IQSEC1: variants seen among roughly 807,000 people sequenced by gnomAD.
The protein encoded by IQSEC1 is IQ motif and Sec7 domain ArfGEF 1, also known as IQ motif and SEC7 domain-containing protein 1.
A neutral mutation model predicts 91.0 loss-of-function variants in IQSEC1; 31 were observed. That is an observed-to-expected ratio of 0.34 (90% CI 0.26 to 0.46). IQSEC1 has a LOEUF of 0.46. Ranked by LOEUF, IQSEC1 falls within the 20% of genes least tolerant of loss-of-function variation. IQSEC1 has a pLI of 1.00. For synonymous variants in IQSEC1, 699 were observed against 662.6 expected, an observed-to-expected ratio of 1.05 and a Z score of -0.84; for missense variants, 1,388 against 1,575.6, an observed-to-expected ratio of 0.88 and a Z score of 2.02.
In IQSEC1 at chr3:12,941,000, G is replaced by C. The variant is rs1253293825; in HGVS notation, c.318+571C>G. Among the ~76,000 whole-genome samples, 3 of 152,204 alleles carry C rather than the reference G, an allele frequency of 2.0e-5. No individual in the cohort carries two copies. The highest frequency in any genetic ancestry group is 2.9e-5 in the Non-Finnish European group (2 of 68,024). ...GCCACCTCTAAGGGCCAAGGCCCCT[G>C]GGGGAGGGGTGCAGTCTTCAATGAG... On this transcript the variant is annotated intron_variant, in intron 2 of 13. Coordinates refer to ENST00000613206, the MANE Select transcript of IQSEC1 (RefSeq NM_001134382.3). This position sits in a 1 kb window ranked among gnomAD's most constrained non-coding sequence, Gnocchi z 4.4.
chr3:13,036,636 G>C (rs1347951413), intron 1 of IQSEC1, among the ~76,000 whole-genome samples: 1 of 152,100 alleles, frequency 6.6e-6, no homozygotes. Flanking sequence ...TCAGCGGTGT[G>C]GGGGGTGCCC....
Position 12,926,289 on chromosome 3 carries a change from G to A in IQSEC1, c.1569-1547C>T, listed in dbSNP as rs558680090. Among the ~76,000 whole-genome samples, 61 of 147,400 alleles carry A rather than the reference G, an allele frequency of 4.1e-4. 1 individual carries two copies. The highest frequency in any genetic ancestry group is 8.8e-4 in the Admixed American group (13 of 14,772). ...TGTACCACTACACTCCAGCCTGGGC[G>A]ACAGAGCAAGACTCCATGTCAAAAA... On this transcript the variant is annotated intron_variant, in intron 3 of 13. Coordinates refer to ENST00000613206, the MANE Select transcript of IQSEC1 (RefSeq NM_001134382.3).
At chr3:13,265,216 C>G (rs1576315850) in intron 1 of IQSEC1, among the ~76,000 whole-genome samples, 1 of 152,340 alleles carries the variant, frequency 6.6e-6, no homozygotes, top group East Asian at 1.9e-4. Context: ...CCCTGCCGGC[C>G]CCACCACAGC....
chr3:13,121,092 G>C (rs1001477986), intron 2 of IQSEC1, among the ~76,000 whole-genome samples: 1 of 152,138 alleles, frequency 6.6e-6, no homozygotes, highest in Non-Finnish European at 1.5e-5. Context: ...CATCGTCCTC[G>C]GCCCTGACTA....
At chr3:13,100,105 G>T (rs1481005051) in intron 2 of IQSEC1, among the ~76,000 whole-genome samples, 5 of 147,996 alleles carry the variant, frequency 3.4e-5, no homozygotes, top group Admixed American at 2.0e-4. Flanking sequence ...CAGTGGCGTG[G>T]CGAGGGCTGC....
chr3:13,169,203 T>G (rs1693558813), intron 1 of IQSEC1, among the ~76,000 whole-genome samples: 1 of 152,186 alleles, frequency 6.6e-6, no homozygotes, highest in Admixed American at 6.5e-5. Flanking sequence ...GCTGTTCTTG[T>G]GATAGTGAAT....
chr3:13,056,226 G>A (rs1268551079), intron 1 of IQSEC1, among the ~76,000 whole-genome samples: 1 of 152,214 alleles, frequency 6.6e-6, no homozygotes, highest in Non-Finnish European at 1.5e-5. Context: ...TAGGCAAGAA[G>A]TAGAGAGAAG....
chr3:12,922,131 T>A lies in IQSEC1; in HGVS notation c.1842A>T (p.Ile614=). 1 of 1,606,716 alleles carries A rather than the reference T, an allele frequency of 6.2e-7. No individual in the cohort carries two copies. Among genetic ancestry groups the A allele is most frequent in the Non-Finnish European group, 8.5e-7 (1 of 1,175,124 alleles). Residue 614 remains isoleucine (I), a synonymous_variant, in exon 5 of 14, where the codon ATA becomes ATT. Transcript: ENST00000613206. The surrounding 1 kb of genome is among the most constrained non-coding windows in gnomAD (Gnocchi z 5.1). ...QGEAQKVERL[I]EAFSQRYCIC... ...AGCCCGGGCCCCACCTGAACGCCTC[T>A]ATGAGCCGCTCCACTTTCTGAGCCT...
chr3:13,128,675 C>T (rs192399553), intron 2 of IQSEC1, among the ~76,000 whole-genome samples: 145 of 152,146 alleles, frequency 9.5e-4, no homozygotes, highest in African/African-American at 3.4e-3. Context: ...ACCATCCTGG[C>T]TAACATGGTG....
intron 1 of IQSEC1, among the ~76,000 whole-genome samples, chr3:13,273,282 G>T (rs1245765973): frequency 6.6e-6 from 1 of 152,152 alleles, no homozygotes; most frequent in East Asian, 1.9e-4. Flanking sequence ...CCATCTAGAA[G>T]TCCTGGCCAG....
intron 1 of IQSEC1, among the ~76,000 whole-genome samples, chr3:12,990,163 C>G (rs1701923116): frequency 6.6e-6 from 1 of 152,232 alleles, no homozygotes; most frequent in African/African-American, 2.4e-5. Context: ...ATCCTGATAG[C>G]TTTCCACCAA....
intron 1 of IQSEC1, among the ~76,000 whole-genome samples, chr3:13,002,131 T>G (rs1350047827): frequency 6.6e-6 from 1 of 152,016 alleles, no homozygotes; most frequent in Non-Finnish European, 1.5e-5. Context: ...AACTGGCTAT[T>G]TATACACAAA....
Position 13,282,484 on chromosome 3 carries a change from T to C in IQSEC1, c.272+227A>G, listed in dbSNP as rs1277652474. Among the ~76,000 whole-genome samples the C allele has an allele frequency of 6.6e-6, 1 of 151,684 alleles. No individual in the cohort carries two copies. The highest frequency in any genetic ancestry group is 1.5e-5 in the Non-Finnish European group (1 of 67,812). ...CGCTGAGCAGCTCCCTGGAGCCCTT[T>C]TCCAGGGAACCCAGTCCCCACCCGA... On this transcript the variant is annotated intron_variant, in intron 1 of 15. Coordinates refer to the IQSEC1 transcript ENST00000648114. The surrounding 1 kb of genome is among the most constrained non-coding windows in gnomAD (Gnocchi z 6.4).
chr3:13,089,018 A>T (rs1576244503), intron 2 of IQSEC1, among the ~76,000 whole-genome samples: 1 of 152,238 alleles, frequency 6.6e-6, no homozygotes, highest in African/African-American at 2.4e-5. Context: ...ACCCAGGGGC[A>T]TGAAAAGATT....
At chr3:12,942,186 C>T (rs903713712) in intron 1 of IQSEC1, among the ~76,000 whole-genome samples, 3 of 152,232 alleles carry the variant, frequency 2.0e-5, no homozygotes, top group Admixed American at 2.0e-4. Context: ...GCCACTGGGT[C>T]GCTGATCACC....
Position 12,979,147 on chromosome 3 carries a change from T to C in IQSEC1, c.24-37282A>G, listed in dbSNP as rs1212692829. Among the ~76,000 whole-genome samples the C allele has an allele frequency of 6.6e-6, 1 of 152,186 alleles. No individual in the cohort carries two copies. The highest frequency in any genetic ancestry group is 2.4e-5 in the African/African-American group (1 of 41,430). ...AGCACCTGTATACATTCCAATTACT[T>C]AACGCTCTTCATTCTATCAAGAAAA... On this transcript the variant is annotated intron_variant, in intron 1 of 13. Coordinates refer to ENST00000613206, the MANE Select transcript of IQSEC1 (RefSeq NM_001134382.3). The surrounding 1 kb of genome is among the most constrained non-coding windows in gnomAD (Gnocchi z 4.3).
intron 1 of IQSEC1, among the ~76,000 whole-genome samples, chr3:13,188,383 C>T (rs1693968308): frequency 6.6e-6 from 1 of 152,222 alleles, no homozygotes; most frequent in Non-Finnish European, 1.5e-5. Context: ...GTGACCACTG[C>T]AGGGAGGATC....
At position 12,900,518 on chromosome 3, in the gene IQSEC1, C is replaced by T; in HGVS notation, c.*465G>A. ...AGTTTACTTACGTATTTTCATCAAC[C>T]ATATCAGGTCTACTTATTTTTTTGC... is the stretch of plus-strand genomic sequence containing the variant. On this transcript the variant is annotated 3_prime_UTR_variant, in exon 14 of 14. Transcript: ENST00000613206. The T allele has an allele frequency of 6.6e-6, 6 of 914,746 alleles. No homozygotes were observed. Among genetic ancestry groups the T allele is most frequent in the Non-Finnish European group, 7.8e-6 (6 of 766,354 alleles). The allele number at this position is 914,746 out of a possible 1,614,324, so 56.7% of individuals were successfully genotyped here.
chr3:13,257,700 G>C (rs1227473081), intron 1 of IQSEC1, among the ~76,000 whole-genome samples: 1 of 152,202 alleles, frequency 6.6e-6, no homozygotes, highest in African/African-American at 2.4e-5. Flanking sequence ...CCCCTTAAAG[G>C]GGTCCAAAAT....
Sources: gnomAD v4.1 joint callset for allele counts (sites outside exome capture counted in the v4.1 genomes callset) on GRCh38, gnomAD v4.1.1 for gene constraint, Gnocchi (gnomAD v3.1) non-coding constraint, MANE v1.5 for transcripts, NCBI Gene and HGNC (gene_info 2026-07-23, HGNC 2026-07-21) for gene names.